GOLGA1: variants seen among roughly 807,000 people sequenced by gnomAD.
GOLGA1 encodes golgin subfamily A member 1.
In GOLGA1, 63 loss-of-function variants were observed where a neutral mutation model predicts 119.7. The ratio of observed to expected loss-of-function variants is 0.53; its 90% CI spans 0.43 to 0.65. The LOEUF (loss-of-function observed/expected upper bound fraction) is 0.65. Ranked by LOEUF, GOLGA1 falls within the 30% of genes least tolerant of loss-of-function variation. The pLI, the probability that GOLGA1 is intolerant of heterozygous loss-of-function variation, is 0.00. For missense variants in GOLGA1, 798 were observed against 912.8 expected (o/e 0.87, Z 1.62); for synonymous variants, 318 against 333.4 (o/e 0.95, Z 0.50).
At chr9:124,916,928 C>T (rs1476049813) in intron 10 of GOLGA1, among the ~76,000 whole-genome samples, 2 of 136,654 alleles carry the variant, frequency 1.5e-5, no homozygotes, top group Non-Finnish European at 3.2e-5. Context: ...AACCCACCAT[C>T]GACAAAAATT....
intron 10 of GOLGA1, among the ~76,000 whole-genome samples, chr9:124,913,131 C>T (rs933410096): frequency 6.6e-6 from 1 of 152,072 alleles, no homozygotes; most frequent in African/African-American, 2.4e-5. Context: ...GGGGAAGTGC[C>T]ATACTGTAAA....
intron 9 of GOLGA1, 26 bp downstream of exon 9, chr9:124,921,697 A>C: frequency 1.3e-6 from 2 of 1,578,014 alleles, no homozygotes; most frequent in Non-Finnish European, 1.7e-6. Flanking sequence ...ACCTCTTCCC[A>C]AGGGCCCCAC....
intron 12 of GOLGA1, among the ~76,000 whole-genome samples, chr9:124,903,338 C>T (rs917815971): frequency 6.6e-6 from 1 of 151,942 alleles, no homozygotes; most frequent in Non-Finnish European, 1.5e-5. Flanking sequence ...AAATACAAGG[C>T]GTGGTGGTCT....
rs759238514 is a variant in GOLGA1, at chr9:124,946,852, A to C, written c.-156+1066T>G. On this transcript the variant is annotated intron_variant, in intron 1 of 4. Transcript: ENST00000421514. This position sits in a 1 kb window ranked among gnomAD's most constrained non-coding sequence, Gnocchi z 4.0. ...GAGTGAAGGCATTTTATTCAGTGGAAGCATTTTCTCAGATGAGCCTACTCA... is the reference window on the plus strand; with the variant it reads ...GAGTGAAGGCATTTTATTCAGTGGACGCATTTTCTCAGATGAGCCTACTCA... 12 of 152,358 alleles carry C rather than the reference A, an allele frequency of 7.9e-5. No individual in the cohort carries two copies. The highest frequency in any genetic ancestry group is 2.1e-4 in the South Asian group (1 of 4,830). 9.4% of individuals were successfully genotyped at this position (152,358 alleles called of 1,614,324 possible). A position where few individuals can be genotyped will look rare whatever the true frequency, so the allele number is the denominator to read the frequency against.
At chr9:124,906,302 G>A (rs1209714096) in intron 12 of GOLGA1, among the ~76,000 whole-genome samples, 1 of 151,350 alleles carries the variant, frequency 6.6e-6, no homozygotes, top group African/African-American at 2.4e-5. Context: ...GTGGTGGCAC[G>A]TGCCTGTAAT....
At position 124,898,622 on chromosome 9, in the gene GOLGA1, G is replaced by A. The variant is rs1830031431; in HGVS notation, c.1334C>T (p.Ala445Val). 1.2e-6 allele frequency: 2 copies of A among 1,608,660 alleles called. No individual in the cohort carries two copies. Among genetic ancestry groups the A allele is most frequent in the Non-Finnish European group, 1.7e-6 (2 of 1,175,306 alleles). Reference sequence around the variant, plus strand: ...TTCATTCCTGCATTCTTTAAGGGCTGCATTTTCTTGCTCCAGTTGTCTCTG... The same window carrying A: ...TTCATTCCTGCATTCTTTAAGGGCTACATTTTCTTGCTCCAGTTGTCTCTG... ...QGMRQLEQEN[A>V]ALKECRNEYE... The change falls in exon 15 of 23, where the codon GCA becomes GTA. Residue 445 changes from alanine to valine, a missense_variant. Physicochemically the swap from Ala to Val is moderately conservative, Grantham distance 64. Coordinates refer to ENST00000373555, the MANE Select transcript of GOLGA1 (RefSeq NM_002077.4).
intron 4 of GOLGA1, 73 bp downstream of exon 4, chr9:124,931,243 G>C: frequency 1.3e-6 from 1 of 774,146 alleles, no homozygotes; most frequent in South Asian, 1.4e-5. Flanking sequence ...CATCCTATAT[G>C]GCTATTTTAT....
At chr9:124,895,582 CCCACGACAGAGACCCT>C (rs1326881667) in intron 15 of GOLGA1, among the ~76,000 whole-genome samples, 2 of 149,494 alleles carry the variant, frequency 1.3e-5, no homozygotes, top group Admixed American at 6.7e-5. Context: ...CAAAGAACCA[CCCACGACAGAGACCCT>C]CCACGACAGA....
At chr9:124,882,447 G>T in intron 20 of GOLGA1, 63 bp downstream of exon 20, 2 of 1,228,328 alleles carry the variant, frequency 1.6e-6, no homozygotes, top group Non-Finnish European at 2.4e-6. Flanking sequence ...ACCTCAGGAG[G>T]ACCGGGCACA....
intron 3 of GOLGA1, among the ~76,000 whole-genome samples, chr9:124,932,916 C>A (rs1830797134): frequency 6.6e-6 from 1 of 152,178 alleles, no homozygotes; most frequent in African/African-American, 2.4e-5. Flanking sequence ...GTTCCTCCCT[C>A]ATGAGCTAAT....
At chr9:124,918,653 G>A (rs1830500549) in intron 10 of GOLGA1, among the ~76,000 whole-genome samples, 1 of 152,194 alleles carries the variant, frequency 6.6e-6, no homozygotes, top group Non-Finnish European at 1.5e-5. Flanking sequence ...CTATTCAGGA[G>A]GCTGAGGTGG....
At chr9:124,907,927 G>A (rs1830265416) in intron 12 of GOLGA1, among the ~76,000 whole-genome samples, 1 of 152,162 alleles carries the variant, frequency 6.6e-6, no homozygotes, top group African/African-American at 2.4e-5. Context: ...TTTTATGCAT[G>A]ATCTGAGGTG....
At position 124,917,623 on chromosome 9, in the gene GOLGA1, C is replaced by G. The variant is rs184586723; in HGVS notation, c.843+3506G>C. Among the ~76,000 whole-genome samples, 4 of 152,332 alleles carry G rather than the reference C, an allele frequency of 2.6e-5. No homozygotes were observed. The East Asian group carries it at 7.7e-4, about 29-fold the overall frequency. ...AAGCTTCCTAAGTGGAAGACCCTCTCAGTCTCCTAACGGCCAGAGTAATCT... is the reference window on the plus strand; with the variant it reads ...AAGCTTCCTAAGTGGAAGACCCTCTGAGTCTCCTAACGGCCAGAGTAATCT... On this transcript the variant is annotated intron_variant, in intron 10 of 22. Coordinates refer to ENST00000373555, the MANE Select transcript of GOLGA1 (RefSeq NM_002077.4).
chr9:124,919,844 G>A (rs915200237), intron 10 of GOLGA1, among the ~76,000 whole-genome samples: 2 of 152,014 alleles, frequency 1.3e-5, no homozygotes, highest in South Asian at 2.1e-4. Context: ...TAAATGTCGC[G>A]CAATGCAATG....
At chr9:124,926,857 A>C (rs955388475) in intron 6 of GOLGA1, 116 bp from the exon 7 acceptor site, 10 of 596,460 alleles carry the variant, frequency 1.7e-5, no homozygotes, top group Non-Finnish European at 2.4e-5. Context: ...AAACAAAACA[A>C]AAAAGCCAAT....
chr9:124,931,562 G>A (rs749339816), intron 3 of GOLGA1, among the ~76,000 whole-genome samples, 156 bp from the exon 4 acceptor site: 1 of 152,194 alleles, frequency 6.6e-6, no homozygotes, highest in Non-Finnish European at 1.5e-5. Context: ...GAAAGTGGAA[G>A]CAACGCTTTC....
chr9:124,912,951 A>C (rs1830368930), intron 10 of GOLGA1, among the ~76,000 whole-genome samples: 2 of 152,140 alleles, frequency 1.3e-5, no homozygotes, highest in Non-Finnish European at 2.9e-5. Context: ...GTCCATTCTC[A>C]CACTGCTATA....
At position 124,926,562 on chromosome 9, in the gene GOLGA1, A is replaced by G. The variant is rs933729324; in HGVS notation, c.432+147T>C. 27 of 711,606 alleles carry G rather than the reference A, an allele frequency of 3.8e-5. No individual in the cohort carries two copies. The South Asian group carries it at 3.9e-4, about 10-fold the overall frequency. 44.1% of individuals were successfully genotyped at this position (711,606 alleles called of 1,614,324 possible). A position where few individuals can be genotyped will look rare whatever the true frequency, so the allele number is the denominator to read the frequency against. On this transcript the variant is annotated intron_variant, in intron 7 of 22. Transcript: ENST00000373555. ...ACATTCACCAAAAAAGGGGAGGATCAGAGCTTTTCAAGTCAGTATCTAATC... is the reference window on the plus strand; with the variant it reads ...ACATTCACCAAAAAAGGGGAGGATCGGAGCTTTTCAAGTCAGTATCTAATC...
At chr9:124,891,811 A>G (rs953706578) in intron 15 of GOLGA1, among the ~76,000 whole-genome samples, 2 of 151,288 alleles carry the variant, frequency 1.3e-5, no homozygotes, top group African/African-American at 4.9e-5. Flanking sequence ...CACCCAGCTA[A>G]TTTTTGTATT....
Sources: gnomAD v4.1 joint callset for allele counts (sites outside exome capture counted in the v4.1 genomes callset) on GRCh38, gnomAD v4.1.1 for gene constraint, Gnocchi (gnomAD v3.1) non-coding constraint, MANE v1.5 for transcripts, NCBI Gene and HGNC (gene_info 2026-07-23, HGNC 2026-07-21) for gene names.